PPP1R12A: variants seen among roughly 807,000 people sequenced by gnomAD.
PPP1R12A encodes myosin binding subunit.
PPP1R12A carries 19 observed loss-of-function variants against 139.6 expected under a neutral mutation model. The ratio of observed to expected loss-of-function variants is 0.14; its 90% CI spans 0.09 to 0.20. PPP1R12A has a LOEUF of 0.20. Ranked by LOEUF, PPP1R12A falls within the 10% of genes least tolerant of loss-of-function variation. The probability of loss-of-function intolerance (pLI) is 1.00; values close to 1 mark genes in which losing one functional copy is unlikely to be tolerated. For missense variants in PPP1R12A, 925 were observed against 1,211.5 expected (o/e 0.76, Z 3.51); for synonymous variants, 427 against 420.6 (o/e 1.02, Z -0.19).
In PPP1R12A at chr12:79,881,181, G is replaced by A. The variant is rs186435371; in HGVS notation, c.238-8243C>T. ...TACAATCACCTCTAAGTACTCAAGTGAAAGGAAGAGTCATGTGTCTCTCAT... is the reference window on the plus strand; with the variant it reads ...TACAATCACCTCTAAGTACTCAAGTAAAAGGAAGAGTCATGTGTCTCTCAT... On this transcript the variant is annotated intron_variant, in intron 1 of 24. Transcript: ENST00000450142. 2.0e-5 allele frequency among the ~76,000 whole-genome samples: 3 copies of A among 152,260 alleles called. No individual in the cohort carries two copies. The East Asian group carries it at 5.8e-4, about 29-fold the overall frequency.
intron 5 of PPP1R12A, among the ~76,000 whole-genome samples, chr12:79,823,065 T>A (rs1304047877): frequency 1.3e-5 from 2 of 152,168 alleles, no homozygotes; most frequent in African/African-American, 4.8e-5. Flanking sequence ...TATGGCTTAA[T>A]TTTTAAAATT....
In PPP1R12A at chr12:79,773,731, C is replaced by T. The variant is rs559350785; in HGVS notation, c.*2198G>A. ...TTCAGAAATTATTCAAATTGGTATC[C>T]AAGTAAAGCAATTAGTGAAAAAATA... On this transcript the variant is annotated 3_prime_UTR_variant, in exon 25 of 25. Transcript: ENST00000450142. 17 of 151,998 alleles carry T rather than the reference C, an allele frequency of 1.1e-4. No homozygotes were observed. Among genetic ancestry groups the T allele is most frequent in the Non-Finnish European group, 2.1e-4 (14 of 67,998 alleles). 9.4% of individuals were successfully genotyped at this position (151,998 alleles called of 1,614,324 possible).
intron 2 of PPP1R12A, among the ~76,000 whole-genome samples, chr12:79,846,598 T>C (rs1328292081): frequency 1.4e-5 from 2 of 142,102 alleles, no homozygotes; most frequent in African/African-American, 5.3e-5. Flanking sequence ...CGTGGCTCAT[T>C]TTTTTTTTTT....
intron 1 of PPP1R12A, among the ~76,000 whole-genome samples, chr12:79,900,022 T>C (rs1885492481): frequency 6.6e-6 from 1 of 152,246 alleles, no homozygotes; most frequent in African/African-American, 2.4e-5. Context: ...ATATGCTTCC[T>C]GAAGTTATGA....
At chr12:79,823,204 A>G (rs1876343010) in intron 5 of PPP1R12A, among the ~76,000 whole-genome samples, 1 of 152,156 alleles carries the variant, frequency 6.6e-6, no homozygotes, top group Non-Finnish European at 1.5e-5. Flanking sequence ...GCCCTACTGT[A>G]CAAGTTTCCA....
chr12:79,846,185 A>G (rs558971599), intron 2 of PPP1R12A, among the ~76,000 whole-genome samples: 1 of 152,246 alleles, frequency 6.6e-6, no homozygotes, highest in Non-Finnish European at 1.5e-5. Context: ...TAATTATACT[A>G]CAAATATATT....
chr12:79,917,892 T>G (rs141069941), intron 1 of PPP1R12A, among the ~76,000 whole-genome samples: 5 of 152,256 alleles, frequency 3.3e-5, no homozygotes, highest in Admixed American at 3.3e-4. Flanking sequence ...TCTGAGAAAA[T>G]GTACTCTCAC....
At chr12:79,925,427 T>G (rs1199625032) in intron 1 of PPP1R12A, among the ~76,000 whole-genome samples, 1 of 152,196 alleles carries the variant, frequency 6.6e-6, no homozygotes, top group African/African-American at 2.4e-5. Flanking sequence ...ATTTTATTGT[T>G]AGAGGTCATG....
intron 1 of PPP1R12A, among the ~76,000 whole-genome samples, chr12:79,923,320 T>C (rs544384174): frequency 6.6e-6 from 1 of 152,226 alleles, no homozygotes; most frequent in South Asian, 2.1e-4. Context: ...ATATTCACCA[T>C]ATGATAAAAA....
chr12:79,935,125 TC>T, upstream of PPP1R12A: 1 of 1,357,006 alleles, frequency 7.4e-7, no homozygotes, highest in East Asian at 3.0e-5. Context: ...CGAGCGGACC[TC>T]CCTTCCTACC....
rs201977462 is a variant in PPP1R12A, at chr12:79,801,345, C to CA, written c.2001-2762dup. 2.3e-3 allele frequency among the ~76,000 whole-genome samples: 46 copies of CA among 20,186 alleles called. 8 individuals carry two copies. Among genetic ancestry groups the CA allele is most frequent in the Non-Finnish European group, 5.7e-3 (35 of 6,134 alleles). The allele number at this position is 20,186 out of a possible 152,430, so 13.2% of individuals were successfully genotyped here. On this transcript the variant is annotated intron_variant, in intron 14 of 24. Coordinates refer to ENST00000450142, the MANE Select transcript of PPP1R12A (RefSeq NM_002480.3). ...GGGCAACTAGAGCAAAACTCTGTCT[C>CA]AAAAAAAAAAAAAAAAAAAAAAAAA...
At chr12:79,920,718 T>C (rs886187399) in intron 1 of PPP1R12A, among the ~76,000 whole-genome samples, 3 of 152,194 alleles carry the variant, frequency 2.0e-5, no homozygotes, top group Non-Finnish European at 4.4e-5. Flanking sequence ...AAGAAAGACC[T>C]TGAGCACGTT....
chr12:79,928,110 T>A (rs1208935079), intron 1 of PPP1R12A, among the ~76,000 whole-genome samples: 1 of 152,246 alleles, frequency 6.6e-6, no homozygotes, highest in Non-Finnish European at 1.5e-5. Flanking sequence ...ACACTTTTCT[T>A]ATGTGAACTG....
chr12:79,862,773 CA>C (rs1398605760), intron 2 of PPP1R12A, among the ~76,000 whole-genome samples: 2 of 151,856 alleles, frequency 1.3e-5, no homozygotes, highest in Non-Finnish European at 2.9e-5. Flanking sequence ...AGAGAAAAAA[CA>C]GTAAAAAGAA....
chr12:79,779,261 G>A (rs1870118951), intron 23 of PPP1R12A: 1 of 1,198,764 alleles, frequency 8.3e-7, no homozygotes, highest in Non-Finnish European at 1.1e-6. Flanking sequence ...AGCATTCTGG[G>A]GTGTTATGCA....
chr12:79,920,075 T>C (rs1009497571), intron 1 of PPP1R12A, among the ~76,000 whole-genome samples: 1 of 152,216 alleles, frequency 6.6e-6, no homozygotes, highest in Non-Finnish European at 1.5e-5. Context: ...CCTTCTTGCT[T>C]CATACACAGA....
intron 22 of PPP1R12A, among the ~76,000 whole-genome samples, chr12:79,782,822 A>G (rs1322067895): frequency 6.6e-6 from 1 of 152,196 alleles, no homozygotes; most frequent in Non-Finnish European, 1.5e-5. Flanking sequence ...AGAATGCTTT[A>G]TGAGTGCTAA....
At chr12:79,809,109 C>T (rs1257217761) in intron 10 of PPP1R12A, among the ~76,000 whole-genome samples, 2 of 151,884 alleles carry the variant, frequency 1.3e-5, no homozygotes, top group Non-Finnish European at 2.9e-5. Flanking sequence ...GCATAAAATA[C>T]CTGGAAACCA....
chr12:79,877,650 G>T (rs946234214), intron 1 of PPP1R12A, among the ~76,000 whole-genome samples: 1 of 152,074 alleles, frequency 6.6e-6, no homozygotes, highest in African/African-American at 2.4e-5. Flanking sequence ...TAGGTAGCTG[G>T]AACTACAGGT....
Sources: gnomAD v4.1 joint callset for allele counts (sites outside exome capture counted in the v4.1 genomes callset) on GRCh38, gnomAD v4.1.1 for gene constraint, MANE v1.5 for transcripts, NCBI Gene and HGNC (gene_info 2026-07-23, HGNC 2026-07-21) for gene names.